IFNLR1: variants seen among roughly 807,000 people sequenced by gnomAD.
IFNLR1 encodes CRF2-12.
In IFNLR1, 28 loss-of-function variants were observed where a neutral mutation model predicts 52.5. That is an observed-to-expected ratio of 0.53 (90% CI 0.40 to 0.73). The LOEUF is 0.73. Ranked by LOEUF, IFNLR1 falls within the 30% of genes least tolerant of loss-of-function variation. IFNLR1 has a pLI of 0.00. For missense variants in IFNLR1, 623 were observed against 659.1 expected (o/e 0.95, Z 0.60); for synonymous variants, 276 against 274.9 (o/e 1.00, Z -0.04).
At chr1:24,176,642 A>G (rs913502963) in intron 2 of IFNLR1, among the ~76,000 whole-genome samples, 3 of 152,270 alleles carry the variant, frequency 2.0e-5, no homozygotes, top group Non-Finnish European at 4.4e-5. Context: ...GATTACAAAT[A>G]AGATGTTGAA....
chr1:24,154,240 A>G lies in IFNLR1; in HGVS notation c.*2890T>C, dbSNP rs1644357198. 6.6e-6 allele frequency: 1 copy of G among 152,242 alleles called. No homozygotes were observed. Among genetic ancestry groups the G allele is most frequent in the South Asian group, 2.1e-4 (1 of 4,836 alleles). The allele number at this position is 152,242 out of a possible 1,614,324, so 9.4% of individuals were successfully genotyped here. ...ACCAACAAGCAGTAGGATATCGTTTAAATATGACATAAACATAGAAAAAAT... is the reference window on the plus strand; with the variant it reads ...ACCAACAAGCAGTAGGATATCGTTTGAATATGACATAAACATAGAAAAAAT... On this transcript the variant is annotated 3_prime_UTR_variant, in exon 7 of 7. Transcript: ENST00000327535.
chr1:24,163,417 A>G (rs1644485194), intron 3 of IFNLR1, among the ~76,000 whole-genome samples: 1 of 152,204 alleles, frequency 6.6e-6, no homozygotes, highest in South Asian at 2.1e-4. Flanking sequence ...GGGGACATTC[A>G]AACCATAACA....
At chr1:24,185,719 G>A (rs1644730913) in intron 1 of IFNLR1, among the ~76,000 whole-genome samples, 1 of 152,204 alleles carries the variant, frequency 6.6e-6, no homozygotes, top group East Asian at 1.9e-4. Flanking sequence ...CACTTGTAAG[G>A]TATCCTATGG....
intron 3 of IFNLR1, among the ~76,000 whole-genome samples, chr1:24,162,772 CTTTCTTTTTCTTTCTT>C (rs1644463970): frequency 4.4e-5 from 2 of 45,214 alleles, no homozygotes; most frequent in Non-Finnish European, 8.8e-5. Flanking sequence ...TTCTTTCTTT[CTTTCTTTTTCTTTCTT>C]TTTCTTTCTT....
Position 24,187,262 on chromosome 1 carries a change from C to T in IFNLR1, c.-14G>A, listed in dbSNP as rs1471021309. ...GGGCCCCGCCATGGCCTTCCTGCCG[C>T]GGCGTCCCCGCCCGGGCCCAGGTCC... On this transcript the variant is annotated 5_prime_UTR_variant, in exon 1 of 7. Transcript: ENST00000327535. 2 of 1,263,610 alleles carry T rather than the reference C, an allele frequency of 1.6e-6. No individual in the cohort carries two copies. The highest frequency in any genetic ancestry group is 2.0e-6 in the Non-Finnish European group (2 of 1,003,686). 78.3% of individuals were successfully genotyped at this position (1,263,610 alleles called of 1,614,324 possible).
intron 2 of IFNLR1, 38 bp downstream of exon 2, chr1:24,180,693 C>CA: frequency 1.4e-6 from 2 of 1,409,318 alleles, no homozygotes; most frequent in Non-Finnish European, 9.8e-7. Context: ...CCCACCCCCT[C>CA]AGTCTTCCCA....
chr1:24,179,700 G>C (rs1644669662), intron 2 of IFNLR1, among the ~76,000 whole-genome samples: 2 of 152,158 alleles, frequency 1.3e-5, no homozygotes, highest in Admixed American at 1.3e-4. Context: ...GGAAAACACA[G>C]AGCCTGCCTG....
chr1:24,174,700 A>G (rs1446281180), intron 2 of IFNLR1, among the ~76,000 whole-genome samples: 2 of 152,208 alleles, frequency 1.3e-5, no homozygotes, highest in Admixed American at 6.5e-5. Flanking sequence ...AAAGACATAA[A>G]CTTGGATGCT....
intron 4 of IFNLR1, among the ~76,000 whole-genome samples, chr1:24,160,523 A>G (rs1028471664): frequency 3.3e-5 from 5 of 152,178 alleles, no homozygotes; most frequent in African/African-American, 1.2e-4. Flanking sequence ...GGCTTGCATT[A>G]TATTTCTTTC....
intron 1 of IFNLR1, among the ~76,000 whole-genome samples, chr1:24,186,808 C>T (rs942322603): frequency 6.6e-6 from 1 of 152,226 alleles, no homozygotes; most frequent in African/African-American, 2.4e-5. Flanking sequence ...GGACATCAAT[C>T]GGTCCCACTT....
chr1:24,159,607 G>T lies in IFNLR1; in HGVS notation c.537C>A (p.Gly179=). The T allele has an allele frequency of 1.2e-6, 2 of 1,614,014 alleles. No homozygotes were observed. The highest frequency in any genetic ancestry group is 4.5e-5 in the East Asian group (2 of 44,902). The change falls in exon 5 of 7, where the codon GGC becomes GGA. Residue 179 remains glycine (G), a synonymous_variant. Transcript: ENST00000327535. ...NKTLFPVTPH[G]QPVQITLQPA... is the part of the protein sequence containing the mutation. Reference sequence around the variant, plus strand: ...GCTGGAGAGTGATCTGGACTGGCTGGCCATGGGGAGTGACTGGAAATAGGG... The same window carrying T: ...GCTGGAGAGTGATCTGGACTGGCTGTCCATGGGGAGTGACTGGAAATAGGG...
intron 3 of IFNLR1, among the ~76,000 whole-genome samples, chr1:24,163,817 G>A (rs1644491661): frequency 6.6e-6 from 1 of 152,130 alleles, no homozygotes; most frequent in Non-Finnish European, 1.5e-5. Context: ...GACCTCAGGT[G>A]ATCTGCCTGC....
chr1:24,165,761 A>C (rs1285637179), intron 3 of IFNLR1, among the ~76,000 whole-genome samples: 1 of 152,208 alleles, frequency 6.6e-6, no homozygotes. Flanking sequence ...CATTACTTAC[A>C]TGTTTAGGAA....
chr1:24,162,302 T>C (rs1644452870), intron 3 of IFNLR1, among the ~76,000 whole-genome samples: 1 of 152,190 alleles, frequency 6.6e-6, no homozygotes, highest in South Asian at 2.1e-4. Flanking sequence ...TTTCATCACG[T>C]TACCACTCCA....
chr1:24,184,324 T>C (rs2148605009), intron 1 of IFNLR1, among the ~76,000 whole-genome samples: 1 of 152,324 alleles, frequency 6.6e-6, no homozygotes, highest in Non-Finnish European at 1.5e-5. Context: ...TCTATTCCCC[T>C]CTGTGGCACA....
rs1310355785 is a variant in IFNLR1, at chr1:24,156,622, C to G, written c.*508G>C. ...CTTCCCATCCAAAACCCTCAGCCAACTGGATTTTTATCTGGGCCTAACTAG... is the reference window on the plus strand; with the variant it reads ...CTTCCCATCCAAAACCCTCAGCCAAGTGGATTTTTATCTGGGCCTAACTAG... On this transcript the variant is annotated 3_prime_UTR_variant, in exon 7 of 7. Coordinates refer to ENST00000327535, the MANE Select transcript of IFNLR1 (RefSeq NM_170743.4). 6.5e-6 allele frequency: 1 copy of G among 154,470 alleles called. No individual in the cohort carries two copies. The highest frequency in any genetic ancestry group is 1.4e-5 in the Non-Finnish European group (1 of 69,842). 9.6% of individuals were successfully genotyped at this position (154,470 alleles called of 1,614,324 possible). A position where few individuals can be genotyped will look rare whatever the true frequency, so the allele number is the denominator to read the frequency against.
intron 4 of IFNLR1, among the ~76,000 whole-genome samples, chr1:24,160,804 C>T (rs1644434415): frequency 1.3e-5 from 2 of 152,238 alleles, no homozygotes; most frequent in South Asian, 4.1e-4. Flanking sequence ...TCATGGCTCA[C>T]TGTGGCCTTG....
At chr1:24,183,080 T>C (rs1644707655) in intron 1 of IFNLR1, among the ~76,000 whole-genome samples, 1 of 152,222 alleles carries the variant, frequency 6.6e-6, no homozygotes, top group South Asian at 2.1e-4. Context: ...GAGTATGTGT[T>C]ATTTTGTTTT....
intron 5 of IFNLR1, 108 bp downstream of exon 5, chr1:24,159,366 T>C: frequency 7.7e-7 from 1 of 1,296,284 alleles, no homozygotes; most frequent in Non-Finnish European, 1.1e-6. Context: ...ATGAGTGTGG[T>C]TTTAATCCAG....
Sources: allele counts gnomAD v4.1 joint callset (sites outside exome capture counted in the v4.1 genomes callset), GRCh38; gene constraint gnomAD v4.1.1; transcripts MANE v1.5; gene names NCBI Gene and HGNC (gene_info 2026-07-23, HGNC 2026-07-21).